Variants in PARD3B observed in about 807,000 individuals in gnomAD.
The protein encoded by PARD3B is par-3 family cell polarity regulator beta, also known as partitioning defective 3 homolog B.
A neutral mutation model predicts 130.2 loss-of-function variants in PARD3B; 103 were observed. That is an observed-to-expected ratio of 0.79 (90% CI 0.67 to 0.93). PARD3B has a LOEUF of 0.93. Among genes scored for constraint, PARD3B ranks in the 40% least tolerant of loss-of-function variants. The pLI, the probability that PARD3B is intolerant of heterozygous loss-of-function variation, is 0.00. For missense variants in PARD3B, 1,609 were observed against 1,499.2 expected (o/e 1.07, Z -1.21); for synonymous variants, 583 against 553.2 (o/e 1.05, Z -0.76).
Position 205,296,113 on chromosome 2 carries a change from G to C in PARD3B, c.2186-4417G>C, listed in dbSNP as rs1276879307. ...AGGTGGTACAAAAGTGACTGTGACAGTAATGATCACCATTGCTTTATGAGC... is the reference window on the plus strand; with the variant it reads ...AGGTGGTACAAAAGTGACTGTGACACTAATGATCACCATTGCTTTATGAGC... On this transcript the variant is annotated intron_variant, in intron 16 of 22. Transcript: ENST00000406610. Among the ~76,000 whole-genome samples the C allele has an allele frequency of 2.6e-5, 4 of 152,182 alleles. No individual in the cohort carries two copies. The South Asian group carries it at 8.3e-4, about 31-fold the overall frequency.
intron 1 of PARD3B, among the ~76,000 whole-genome samples, chr2:204,629,699 T>C (rs2034613631): frequency 6.6e-6 from 1 of 152,166 alleles, no homozygotes; most frequent in African/African-American, 2.4e-5. Context: ...AAGTATCTTA[T>C]TAAATCTCAC....
chr2:205,326,514 A>G (rs543710985), intron 18 of PARD3B, among the ~76,000 whole-genome samples: 2 of 152,258 alleles, frequency 1.3e-5, no homozygotes, highest in South Asian at 4.1e-4. Flanking sequence ...CATTATCTCT[A>G]TGAGCTAGAA....
intron 4 of PARD3B, among the ~76,000 whole-genome samples, chr2:205,056,076 C>T (rs1171248512): frequency 2.0e-5 from 3 of 152,030 alleles, no homozygotes; most frequent in Non-Finnish European, 4.4e-5. Flanking sequence ...TTAGTAAAGA[C>T]TGATGACATA....
chr2:205,403,952 CAATT>C (rs67358493), intron 19 of PARD3B, among the ~76,000 whole-genome samples: 124,950 of 151,826 alleles, frequency 0.82, 54,570 homozygotes, highest in East Asian at 0.98. Context: ...AGTGCTCACT[CAATT>C]AAGGGAATAT....
intron 3 of PARD3B, among the ~76,000 whole-genome samples, chr2:205,010,911 C>T (rs1695658572): frequency 6.6e-6 from 1 of 152,184 alleles, no homozygotes; most frequent in South Asian, 2.1e-4. Context: ...CTGTTACTTC[C>T]AGATTTTTTC....
chr2:205,569,793 A>G (rs1454539011), intron 22 of PARD3B, among the ~76,000 whole-genome samples: 1 of 152,166 alleles, frequency 6.6e-6, no homozygotes, highest in East Asian at 1.9e-4. Flanking sequence ...GGGAATAGTC[A>G]AGATCATCCA....
chr2:205,366,335 C>G lies in PARD3B; in HGVS notation c.2631-34678C>G, dbSNP rs2044608862. ...GACTAATAATCAAGTGTTGACTCAG[C>G]TCTCAAATTTGCTGTGCAGTGCTTA... On this transcript the variant is annotated intron_variant, in intron 18 of 22. Transcript: ENST00000406610. This position sits in a 1 kb window ranked among gnomAD's most constrained non-coding sequence, Gnocchi z 5.0. Among the ~76,000 whole-genome samples, 1 of 152,138 alleles carries G rather than the reference C, an allele frequency of 6.6e-6. No homozygotes were observed. The highest frequency in any genetic ancestry group is 1.5e-5 in the Non-Finnish European group (1 of 68,024).
At chr2:205,417,643 A>G (rs1393500365) in intron 19 of PARD3B, among the ~76,000 whole-genome samples, 1 of 152,224 alleles carries the variant, frequency 6.6e-6, no homozygotes, top group Admixed American at 6.5e-5. Flanking sequence ...AAAGTTGCAT[A>G]GTCTCTCCCA....
At chr2:205,106,904 AAGAC>A (rs1367780649) in intron 5 of PARD3B, among the ~76,000 whole-genome samples, 1 of 152,168 alleles carries the variant, frequency 6.6e-6, no homozygotes, top group Admixed American at 6.5e-5. Context: ...TTACAGTTCT[AAGAC>A]AGGGCATTGA....
At position 204,610,302 on chromosome 2, in the gene PARD3B, T is replaced by C. The variant is rs1479444080; in HGVS notation, c.120+64183T>C. 6.6e-6 allele frequency among the ~76,000 whole-genome samples: 1 copy of C among 152,182 alleles called. No individual in the cohort carries two copies. Among genetic ancestry groups the C allele is most frequent in the Non-Finnish European group, 1.5e-5 (1 of 68,022 alleles). ...ATTAAATCTGTTCTTCTTAATGTAATATGGCAAATATTTACAATGATTTGT... is the reference window on the plus strand; with the variant it reads ...ATTAAATCTGTTCTTCTTAATGTAACATGGCAAATATTTACAATGATTTGT... On this transcript the variant is annotated intron_variant, in intron 1 of 22. Coordinates refer to ENST00000406610, the MANE Select transcript of PARD3B (RefSeq NM_001302769.2). The surrounding 1 kb of genome is among the most constrained non-coding windows in gnomAD (Gnocchi z 4.1).
At chr2:205,290,257 T>G (rs77231919) in intron 16 of PARD3B, among the ~76,000 whole-genome samples, 4,920 of 152,300 alleles carry the variant, frequency 0.032, 232 homozygotes, top group African/African-American at 0.11. Flanking sequence ...CTATACATTC[T>G]CTGGTGTTAT....
At chr2:204,763,657 G>A (rs1278639002) in intron 2 of PARD3B, among the ~76,000 whole-genome samples, 2 of 152,166 alleles carry the variant, frequency 1.3e-5, no homozygotes, top group Non-Finnish European at 2.9e-5. Flanking sequence ...CATAGCCTCA[G>A]TTTTTTCTTA....
intron 1 of PARD3B, among the ~76,000 whole-genome samples, chr2:204,643,179 A>G (rs1186536828): frequency 1.4e-5 from 2 of 143,574 alleles, no homozygotes; most frequent in Non-Finnish European, 3.0e-5. Flanking sequence ...CTGCTCCACC[A>G]TGTAAAGATT....
intron 3 of PARD3B, among the ~76,000 whole-genome samples, chr2:204,983,715 C>T (rs1167704471): frequency 1.3e-5 from 2 of 152,180 alleles, no homozygotes; most frequent in African/African-American, 2.4e-5. Flanking sequence ...CATATACTTG[C>T]AAGACACAAC....
chr2:204,647,986 T>G (rs2035331864), intron 1 of PARD3B, among the ~76,000 whole-genome samples: 1 of 151,548 alleles, frequency 6.6e-6, no homozygotes, highest in Non-Finnish European at 1.5e-5. Flanking sequence ...ATAATTATAC[T>G]TTTTAAAGGT....
At chr2:205,136,808 A>G (rs751288177) in intron 10 of PARD3B, among the ~76,000 whole-genome samples, 8 of 152,196 alleles carry the variant, frequency 5.3e-5, no homozygotes, top group Non-Finnish European at 1.0e-4. Context: ...AGAAAGGTTG[A>G]TGTTCAGAAG....
At chr2:204,599,879 A>G (rs561443014) in intron 1 of PARD3B, among the ~76,000 whole-genome samples, 2 of 151,536 alleles carry the variant, frequency 1.3e-5, no homozygotes, top group Non-Finnish European at 3.0e-5. Context: ...GATTATAGCC[A>G]TTCTAACTGG....
At chr2:205,526,736 G>A (rs73060119) in intron 21 of PARD3B, among the ~76,000 whole-genome samples, 4,791 of 152,254 alleles carry the variant, frequency 0.031, 260 homozygotes, top group African/African-American at 0.11. Context: ...CTTCTGCTTA[G>A]TGCTTTGTCT....
intron 2 of PARD3B, among the ~76,000 whole-genome samples, chr2:204,729,612 C>T (rs375496077): frequency 3.9e-5 from 6 of 152,146 alleles, no homozygotes; most frequent in African/African-American, 1.2e-4. Context: ...AAATTATCCT[C>T]TTCAGATAAT....
Sources: allele counts gnomAD v4.1 joint callset (sites outside exome capture counted in the v4.1 genomes callset), GRCh38; gene constraint gnomAD v4.1.1; non-coding constraint Gnocchi (gnomAD v3.1); transcripts MANE v1.5; gene names NCBI Gene and HGNC (gene_info 2026-07-23, HGNC 2026-07-21).